CHRAC1: variants seen among roughly 807,000 people sequenced by gnomAD.
CHRAC1 encodes the protein chromatin accessibility complex subunit 1.
CHRAC1 carries 6 observed loss-of-function variants against 9.1 expected under a neutral mutation model. That is an observed-to-expected ratio of 0.66 (90% CI 0.36 to 1.29). The LOEUF (loss-of-function observed/expected upper bound fraction) is 1.29, where lower values mean the gene tolerates loss of function less well. Ranked by LOEUF, CHRAC1 falls within the 50% of genes most tolerant of loss-of-function variation. The probability of loss-of-function intolerance (pLI) is 0.03; values close to 1 mark genes in which losing one functional copy is unlikely to be tolerated. For synonymous variants in CHRAC1, 73 were observed against 64.5 expected, an observed-to-expected ratio of 1.13 and a Z score of -0.63; for missense variants, 168 against 163.5, an observed-to-expected ratio of 1.03 and a Z score of -0.15.
rs1329537595 is a variant in CHRAC1, at chr8:140,516,359, G to C, written c.*1112G>C. ...AGACGGGGTTCACCATGTTGGCCAG[G>C]CTTGTCTCAAACTCCTAACCTCAAC... On this transcript the variant is annotated 3_prime_UTR_variant, in exon 3 of 3. Coordinates refer to ENST00000220913, the MANE Select transcript of CHRAC1 (RefSeq NM_017444.6). 1 of 151,780 alleles carries C rather than the reference G, an allele frequency of 6.6e-6. No homozygotes were observed. The highest frequency in any genetic ancestry group is 1.5e-5 in the Non-Finnish European group (1 of 67,950). The allele number at this position is 151,780 out of a possible 1,614,324, so 9.4% of individuals were successfully genotyped here.
chr8:140,514,025 G>A (rs1485045189), intron 1 of CHRAC1, among the ~76,000 whole-genome samples: 1 of 142,254 alleles, frequency 7.0e-6, no homozygotes, highest in Non-Finnish European at 1.5e-5. Flanking sequence ...GCCTGCCTCA[G>A]CCTCCCGCTG....
Position 140,511,382 on chromosome 8 carries a change from C to A in CHRAC1, c.-118C>A. 1 of 959,950 alleles carries A rather than the reference C, an allele frequency of 1.0e-6. No homozygotes were observed. The highest frequency in any genetic ancestry group is 1.4e-6 in the Non-Finnish European group (1 of 726,868). 59.5% of individuals were successfully genotyped at this position (959,950 alleles called of 1,614,324 possible). On this transcript the variant is annotated 5_prime_UTR_variant, in exon 1 of 3. Coordinates refer to ENST00000220913, the MANE Select transcript of CHRAC1 (RefSeq NM_017444.6). ...CCGGCCTCGCGGCCTCGCCTCCCCACACTACAACTCCCACGGGGCAGCGGG... is the reference window on the plus strand; with the variant it reads ...CCGGCCTCGCGGCCTCGCCTCCCCAAACTACAACTCCCACGGGGCAGCGGG...
At chr8:140,512,852 G>A (rs2072294068) in intron 1 of CHRAC1, among the ~76,000 whole-genome samples, 1 of 152,128 alleles carries the variant, frequency 6.6e-6, no homozygotes, top group South Asian at 2.1e-4. Context: ...TTTTGAGATG[G>A]AGTTTCCCAG....
At chr8:140,512,952 G>C (rs902179406) in intron 1 of CHRAC1, among the ~76,000 whole-genome samples, 7 of 152,144 alleles carry the variant, frequency 4.6e-5, no homozygotes, top group African/African-American at 1.7e-4. Context: ...GAGTAGCTGG[G>C]ATTACAGGTG....
rs1045148605 is a variant in CHRAC1 at position 140,511,524 on chromosome 8, G to T, written c.25G>T (p.Asp9Tyr). The T allele has an allele frequency of 8.7e-6, 12 of 1,383,986 alleles. No homozygotes were observed. Among genetic ancestry groups the T allele is most frequent in the Non-Finnish European group, 1.1e-5 (12 of 1,060,726 alleles). 85.7% of individuals were successfully genotyped at this position (1,383,986 alleles called of 1,614,324 possible). A position where few individuals can be genotyped will look rare whatever the true frequency, so the allele number is the denominator to read the frequency against. Residue 9 changes from aspartate (D) to tyrosine (Y), a missense_variant, in exon 1 of 3, where the codon GAC becomes TAC. Coordinates refer to ENST00000220913, the MANE Select transcript of CHRAC1 (RefSeq NM_017444.6). ...GATGGCGGACGTGGTCGTGGGTAAAGACAAGGGCGGGGAGCAGCGGCTCAT... is the reference window on the plus strand; with the variant it reads ...GATGGCGGACGTGGTCGTGGGTAAATACAAGGGCGGGGAGCAGCGGCTCAT... MADVVVGK[D>Y]KGGEQRLISL...
chr8:140,511,859 C>A, intron 1 of CHRAC1: 1 of 751,248 alleles, frequency 1.3e-6, no homozygotes, highest in Non-Finnish European at 2.1e-6. Context: ...GCCCACCCCT[C>A]GCCGCTCCCT....
In CHRAC1 at chr8:140,516,812, AC is replaced by A. The variant is rs1159529880; in HGVS notation, c.*1567del. The A allele has an allele frequency of 3.9e-5, 6 of 151,952 alleles. No homozygotes were observed. Among genetic ancestry groups the A allele is most frequent in the Admixed American group, 3.9e-4 (6 of 15,254 alleles). 9.4% of individuals were successfully genotyped at this position (151,952 alleles called of 1,614,324 possible). On this transcript the variant is annotated 3_prime_UTR_variant, in exon 3 of 3. Coordinates refer to ENST00000220913, the MANE Select transcript of CHRAC1 (RefSeq NM_017444.6). ...ATTCCCTGTGGTCAGCTCCTTCCCC[AC>A]CTTTTACCGTGGCAACCGTCAAGCT...
intron 1 of CHRAC1, chr8:140,511,997 T>A: frequency 7.9e-7 from 1 of 1,261,088 alleles, no homozygotes. Flanking sequence ...CCTCCCGCCG[T>A]TTCTCTCGCG....
intron 1 of CHRAC1, among the ~76,000 whole-genome samples, chr8:140,512,515 G>A (rs546909894): frequency 6.6e-6 from 1 of 152,326 alleles, no homozygotes; most frequent in Non-Finnish European, 1.5e-5. Flanking sequence ...TCTCGATAGT[G>A]TTAGGCCAGA....
At chr8:140,512,061 C>T (rs777050908) in intron 1 of CHRAC1, 2 of 1,272,424 alleles carry the variant, frequency 1.6e-6, no homozygotes, top group Non-Finnish European at 2.0e-6. Context: ...CCTTTCGTCC[C>T]TCCCACCTGT....
At chr8:140,514,005 C>T (rs562326820) in intron 1 of CHRAC1, among the ~76,000 whole-genome samples, 5 of 140,078 alleles carry the variant, frequency 3.6e-5, no homozygotes, top group Non-Finnish European at 7.6e-5. Flanking sequence ...CTCCCAGGTT[C>T]AGGCGATTCG....
In CHRAC1 at chr8:140,511,348, G is replaced by A. The variant is rs2231520; in HGVS notation, c.-152G>A. The A allele has an allele frequency of 1.0e-3, 601 of 582,944 alleles. 3 individuals are homozygous for A. Among genetic ancestry groups the A allele is most frequent in the Non-Finnish European group, 5.9e-4 (232 of 394,906 alleles). The allele number at this position is 582,944 out of a possible 1,614,324, so 36.1% of individuals were successfully genotyped here. ...TCACGGAGCTCGTAGTTTCCCGGACGGGCCGCTCCCGGCCTCGCGGCCTCG... is the reference window on the plus strand; with the variant it reads ...TCACGGAGCTCGTAGTTTCCCGGACAGGCCGCTCCCGGCCTCGCGGCCTCG... On this transcript the variant is annotated 5_prime_UTR_variant, in exon 1 of 3. Transcript: ENST00000220913.
intron 2 of CHRAC1, 58 bp from the exon 3 acceptor site, chr8:140,515,068 A>G (rs1341969547): frequency 6.5e-7 from 1 of 1,545,892 alleles, no homozygotes. Flanking sequence ...TGAAATGTGC[A>G]TTGCTGTGTT....
chr8:140,511,838 G>A (rs993750997), intron 1 of CHRAC1, 192 bp downstream of exon 1: 30 of 772,666 alleles, frequency 3.9e-5, no homozygotes, highest in Non-Finnish European at 5.1e-5. Flanking sequence ...TTTCTCGCGC[G>A]TCTTCGCCCC....
intron 2 of CHRAC1, 110 bp from the exon 3 acceptor site, chr8:140,515,016 T>C (rs1588418494): frequency 9.5e-7 from 1 of 1,052,262 alleles, no homozygotes; most frequent in Non-Finnish European, 1.4e-6. Context: ...TCATCTTGTT[T>C]TGGAACCTCT....
intron 1 of CHRAC1, among the ~76,000 whole-genome samples, chr8:140,513,744 G>A (rs938773162): frequency 1.4e-4 from 22 of 152,016 alleles, no homozygotes; most frequent in African/African-American, 4.8e-4. Flanking sequence ...ACAGCTCCCG[G>A]CCGCTTCTTT....
rs1459604636 is a variant in CHRAC1 at position 140,511,372 on chromosome 8, C to A, written c.-128C>A. On this transcript the variant is annotated 5_prime_UTR_variant, in exon 1 of 3. Coordinates refer to ENST00000220913, the MANE Select transcript of CHRAC1 (RefSeq NM_017444.6). Reference sequence around the variant, plus strand: ...CGGGCCGCTCCCGGCCTCGCGGCCTCGCCTCCCCACACTACAACTCCCACG... The same window carrying A: ...CGGGCCGCTCCCGGCCTCGCGGCCTAGCCTCCCCACACTACAACTCCCACG... 8 of 849,638 alleles carry A rather than the reference C, an allele frequency of 9.4e-6. No homozygotes were observed. Among genetic ancestry groups the A allele is most frequent in the Non-Finnish European group, 1.3e-5 (8 of 632,112 alleles). The allele number at this position is 849,638 out of a possible 1,614,324, so 52.6% of individuals were successfully genotyped here. A position where few individuals can be genotyped will look rare whatever the true frequency, so the allele number is the denominator to read the frequency against.
Position 140,511,889 on chromosome 8 carries a change from G to A in CHRAC1, c.147+243G>A, listed in dbSNP as rs1456672707. Reference sequence around the variant, plus strand: ...CTCCCTCACGTTCTCCAGTTTCTTCGCCTCGCCTACCGCGCGCCTCTCCCG... The same window carrying A: ...CTCCCTCACGTTCTCCAGTTTCTTCACCTCGCCTACCGCGCGCCTCTCCCG... On this transcript the variant is annotated intron_variant, in intron 1 of 2. Coordinates refer to ENST00000220913, the MANE Select transcript of CHRAC1 (RefSeq NM_017444.6). 5.8e-6 allele frequency: 5 copies of A among 856,056 alleles called. No individual in the cohort carries two copies. In the Admixed American group the frequency reaches 1.2e-4, roughly 20 times the overall value. The allele number at this position is 856,056 out of a possible 1,614,324, so 53.0% of individuals were successfully genotyped here. A position where few individuals can be genotyped will look rare whatever the true frequency, so the allele number is the denominator to read the frequency against.
In CHRAC1 at chr8:140,511,374, C is replaced by A. The variant is rs1204264230; in HGVS notation, c.-126C>A. The A allele has an allele frequency of 1.1e-6, 1 of 873,378 alleles. No individual in the cohort carries two copies. The highest frequency in any genetic ancestry group is 1.5e-6 in the Non-Finnish European group (1 of 651,860). 54.1% of individuals were successfully genotyped at this position (873,378 alleles called of 1,614,324 possible). A position where few individuals can be genotyped will look rare whatever the true frequency, so the allele number is the denominator to read the frequency against. On this transcript the variant is annotated 5_prime_UTR_variant, in exon 1 of 3. Coordinates refer to ENST00000220913, the MANE Select transcript of CHRAC1 (RefSeq NM_017444.6). ...GGCCGCTCCCGGCCTCGCGGCCTCG[C>A]CTCCCCACACTACAACTCCCACGGG...
Sources: gnomAD v4.1 joint callset for allele counts (sites outside exome capture counted in the v4.1 genomes callset) on GRCh38, gnomAD v4.1.1 for gene constraint, MANE v1.5 for transcripts, NCBI Gene and HGNC (gene_info 2026-07-23, HGNC 2026-07-21) for gene names.